TTLL7: variants seen among roughly 807,000 people sequenced by gnomAD.
TTLL7 encodes tubulin polyglutamylase TTLL7.
In TTLL7, 53 loss-of-function variants were observed where a neutral mutation model predicts 120.2. The ratio of observed to expected loss-of-function variants is 0.44; its 90% CI spans 0.35 to 0.55. TTLL7 has a LOEUF of 0.55. TTLL7 is among the 20% of genes least tolerant of loss of function. The pLI is 0.00. For missense variants in TTLL7, 803 were observed against 1,054.7 expected (o/e 0.76, Z 3.31); for synonymous variants, 353 against 351.7 (o/e 1.00, Z -0.04).
intron 1 of TTLL7, among the ~76,000 whole-genome samples, chr1:83,954,733 T>A (rs1397758517): frequency 6.6e-6 from 1 of 151,810 alleles, no homozygotes; most frequent in East Asian, 1.9e-4. Flanking sequence ...ACGATGACAA[T>A]GCAACAAATA....
chr1:83,940,310 T>C (rs1647833974), intron 7 of TTLL7, among the ~76,000 whole-genome samples: 1 of 152,206 alleles, frequency 6.6e-6, no homozygotes, highest in South Asian at 2.1e-4. Flanking sequence ...TACATATATA[T>C]AATCCACTCT....
At chr1:83,987,989 T>A (rs1464167300) in intron 1 of TTLL7, among the ~76,000 whole-genome samples, 1 of 152,220 alleles carries the variant, frequency 6.6e-6, no homozygotes, top group African/African-American at 2.4e-5. Flanking sequence ...ACACAGGTAG[T>A]GAGCATAGTA....
chr1:83,900,381 A>T (rs554441014), intron 18 of TTLL7, among the ~76,000 whole-genome samples: 1 of 151,982 alleles, frequency 6.6e-6, no homozygotes, highest in East Asian at 1.9e-4. Context: ...CTCAAGGGAG[A>T]TCATAAGATA....
chr1:83,879,844 A>C (rs541648048), intron 20 of TTLL7: 36 of 152,004 alleles, frequency 2.4e-4, no homozygotes, highest in African/African-American at 7.7e-4. Flanking sequence ...ATCTCTTTTG[A>C]CCACCAGCAG....
intron 13 of TTLL7, among the ~76,000 whole-genome samples, chr1:83,918,221 T>G (rs1658352747): frequency 6.6e-6 from 1 of 152,150 alleles, no homozygotes; most frequent in South Asian, 2.1e-4. Context: ...TTTTTAGAAC[T>G]TTATAAAGGT....
At chr1:83,917,505 T>C (rs1336786161) in intron 14 of TTLL7, 99 bp downstream of exon 14, 5 of 829,950 alleles carry the variant, frequency 6.0e-6, no homozygotes, top group Non-Finnish European at 9.8e-6. Flanking sequence ...GTCCCTGTGG[T>C]TCCTTTTTTA....
intron 9 of TTLL7, among the ~76,000 whole-genome samples, chr1:83,931,257 A>C (rs1659574189): frequency 6.6e-6 from 1 of 151,998 alleles, no homozygotes; most frequent in South Asian, 2.1e-4. Context: ...ATTAGTAAAC[A>C]CTATTTTCAA....
intron 18 of TTLL7, among the ~76,000 whole-genome samples, chr1:83,903,030 T>C (rs1021331992): frequency 2.0e-5 from 3 of 151,968 alleles, no homozygotes; most frequent in African/African-American, 7.2e-5. Context: ...GGTTCTATTC[T>C]TCACAAGTAG....
Position 83,976,033 on chromosome 1 carries a change from C to CTCTGTG in TTLL7, c.-177+22897_-177+22898insCACAGA, listed in dbSNP as rs1241354482. On this transcript the variant is annotated intron_variant, in intron 1 of 20. Coordinates refer to ENST00000260505, the MANE Select transcript of TTLL7 (RefSeq NM_024686.6). ...CTGTGTCCTGAAATTTTGTCTCTCT[C>CTCTGTG]TGTGTGTGTGTGTGTGTGTGTGTGT... Among the ~76,000 whole-genome samples, 345 of 147,928 alleles carry CTCTGTG rather than the reference C, an allele frequency of 2.3e-3. 1 individual carries two copies. Among genetic ancestry groups the CTCTGTG allele is most frequent in the Non-Finnish European group, 4.3e-3 (286 of 66,782 alleles).
chr1:83,914,323 C>CTTTTTTTTT (rs1171299360), intron 14 of TTLL7, among the ~76,000 whole-genome samples: 43 of 78,284 alleles, frequency 5.5e-4, no homozygotes, highest in South Asian at 1.2e-3. Flanking sequence ...CTCTCTCTCT[C>CTTTTTTTTT]TTTTTTTTTT....
At chr1:83,874,977 A>C (rs1430238071) in intron 20 of TTLL7, among the ~76,000 whole-genome samples, 1 of 151,992 alleles carries the variant, frequency 6.6e-6, no homozygotes, top group Non-Finnish European at 1.5e-5. Flanking sequence ...AAGGACATAA[A>C]TAATACCATA....
chr1:83,945,062 A>G (rs558114215), intron 6 of TTLL7, among the ~76,000 whole-genome samples: 1 of 152,340 alleles, frequency 6.6e-6, no homozygotes, highest in African/African-American at 2.4e-5. Context: ...TCTATTTAAC[A>G]CAAAAGAGGA....
chr1:83,934,991 T>C (rs1647263515), intron 8 of TTLL7, among the ~76,000 whole-genome samples: 1 of 152,158 alleles, frequency 6.6e-6, no homozygotes, highest in Non-Finnish European at 1.5e-5. Flanking sequence ...AATATTCCAC[T>C]ACCTGGTGGA....
At chr1:83,972,402 G>A (rs1651073288) in intron 1 of TTLL7, among the ~76,000 whole-genome samples, 1 of 151,952 alleles carries the variant, frequency 6.6e-6, no homozygotes, top group Non-Finnish European at 1.5e-5. Context: ...ACAGTAATAT[G>A]CATTTAAGGT....
At chr1:83,966,003 T>C (rs1479137253) in intron 1 of TTLL7, among the ~76,000 whole-genome samples, 1 of 152,162 alleles carries the variant, frequency 6.6e-6, no homozygotes, top group African/African-American at 2.4e-5. Flanking sequence ...ATTGTGATGA[T>C]TACTGTTATG....
intron 1 of TTLL7, among the ~76,000 whole-genome samples, chr1:83,956,427 C>CT (rs35592317): frequency 0.31 from 42,297 of 135,972 alleles, 6,788 homozygotes; most frequent in Admixed American, 0.37. Flanking sequence ...ACCTAGCCCA[C>CT]TTTTTTTTTT....
Position 83,937,732 on chromosome 1 carries a change from G to T in TTLL7, c.888+120C>A. Reference sequence around the variant, plus strand: ...GTAATGATCTGATTTTTTTCTCTCTGGTCCTCTCAATTATAGGGAACCAAG... The same window carrying T: ...GTAATGATCTGATTTTTTTCTCTCTTGTCCTCTCAATTATAGGGAACCAAG... On this transcript the variant is annotated intron_variant, in intron 8 of 20. Coordinates refer to ENST00000260505, the MANE Select transcript of TTLL7 (RefSeq NM_024686.6). The T allele has an allele frequency of 7.1e-6, 8 of 1,127,568 alleles. No homozygotes were observed. The South Asian group carries it at 1.0e-4, about 14-fold the overall frequency. 69.8% of individuals were successfully genotyped at this position (1,127,568 alleles called of 1,614,324 possible).
chr1:83,929,263 T>C (rs1486316882), intron 9 of TTLL7, 33 bp from the exon 10 acceptor site: 2 of 1,483,282 alleles, frequency 1.3e-6, no homozygotes, highest in Non-Finnish European at 1.9e-6. Context: ...TATTGGAAGG[T>C]AAATAAATAT....
At position 83,973,858 on chromosome 1, in the gene TTLL7, T is replaced by C. The variant is rs1651214989; in HGVS notation, c.-176-21471A>G. ...AAAGTGAAAAAGTTAGAATAAAGGT[T>C]ACCTCTGGGCAGGATGAGGGATAAT... is the stretch of plus-strand genomic sequence containing the variant. On this transcript the variant is annotated intron_variant, in intron 1 of 20. Transcript: ENST00000260505. Among the ~76,000 whole-genome samples, 3 of 151,978 alleles carry C rather than the reference T, an allele frequency of 2.0e-5. No individual in the cohort carries two copies. The South Asian group carries it at 6.2e-4, about 31-fold the overall frequency.
Sources: gnomAD v4.1 joint callset for allele counts (sites outside exome capture counted in the v4.1 genomes callset) on GRCh38, gnomAD v4.1.1 for gene constraint, MANE v1.5 for transcripts, NCBI Gene and HGNC (gene_info 2026-07-23, HGNC 2026-07-21) for gene names.